The following PXDNL variants were observed in gnomAD, a reference collection of about 807,000 sequenced individuals.
The protein encoded by PXDNL is probable oxidoreductase PXDNL.
In PXDNL, 145 loss-of-function variants were observed where a neutral mutation model predicts 150.8. The ratio of observed to expected loss-of-function variants is 0.96; its 90% CI spans 0.84 to 1.10. PXDNL has a LOEUF of 1.10. Ranked by LOEUF, PXDNL falls within the 50% of genes least tolerant of loss-of-function variation. The pLI is 0.00. For missense variants in PXDNL, 2,087 were observed against 1,873.9 expected (o/e 1.11, Z -2.10); for synonymous variants, 757 against 725.7 (o/e 1.04, Z -0.69).
chr8:51,475,176 G>A (rs1302644365), intron 6 of PXDNL, 35 bp from the exon 7 acceptor site: 7 of 1,568,938 alleles, frequency 4.5e-6, no homozygotes, highest in Non-Finnish European at 6.1e-6. Flanking sequence ...ACTGTTAAAA[G>A]GGACTATTAA....
intron 1 of PXDNL, among the ~76,000 whole-genome samples, chr8:51,727,999 CATATGTATTCT>C (rs1236039710): frequency 2.0e-5 from 3 of 152,214 alleles, no homozygotes; most frequent in Admixed American, 1.3e-4. Flanking sequence ...TTAAATTTCA[CATATGTATTCT>C]ATTGCTTAAC....
At chr8:51,771,767 C>G (rs960638760) in intron 1 of PXDNL, among the ~76,000 whole-genome samples, 2 of 152,080 alleles carry the variant, frequency 1.3e-5, no homozygotes, top group Admixed American at 6.6e-5. Flanking sequence ...AGACAGGGCT[C>G]TTCTACCTGG....
intron 21 of PXDNL, among the ~76,000 whole-genome samples, chr8:51,323,908 C>A (rs1187338488): frequency 7.2e-6 from 1 of 137,990 alleles, no homozygotes; most frequent in African/African-American, 3.0e-5. Context: ...AAGAGCAAAA[C>A]TTCATCTCAA....
At chr8:51,618,112 C>T (rs1424086718) in intron 2 of PXDNL, among the ~76,000 whole-genome samples, 1 of 152,240 alleles carries the variant, frequency 6.6e-6, no homozygotes, top group Non-Finnish European at 1.5e-5. Context: ...GGCCCCCAGG[C>T]GCTACCTCGC....
chr8:51,601,579 C>T (rs1040481550), intron 2 of PXDNL, among the ~76,000 whole-genome samples: 1 of 151,994 alleles, frequency 6.6e-6, no homozygotes, highest in East Asian at 1.9e-4. Context: ...AGATTTTTCA[C>T]TAACCCTCTG....
intron 1 of PXDNL, among the ~76,000 whole-genome samples, chr8:51,683,164 CATATATATATATATATAT>C (rs71237228): frequency 1.3e-3 from 57 of 44,462 alleles, no homozygotes; most frequent in African/African-American, 2.7e-3. Flanking sequence ...AATTGTCTTT[CATATATATATATATATAT>C]ATATATATAT....
At position 51,447,157 on chromosome 8, in the gene PXDNL, G is replaced by T. The variant is rs1382782569; in HGVS notation, c.1372C>A (p.Gln458Lys). Reference protein sequence around the residue: ...PVIVWTKTGGQLPVEGQHTVL... With the variant: ...PVIVWTKTGGKLPVEGQHTVL... Reference sequence around the variant, plus strand: ...GTATGCTGGCCTTCCACAGGGAGCTGCCCTCCTGCAAAAAGAGGTAAAGAA... The same window carrying T: ...GTATGCTGGCCTTCCACAGGGAGCTTCCCTCCTGCAAAAAGAGGTAAAGAA... The change falls in exon 12 of 23, where the codon CAG (glutamine) becomes AAG (lysine). Residue 458 changes from glutamine (Q) to lysine (K), a missense_variant. Gln to Lys is a moderately conservative substitution (Grantham distance 53). Transcript: ENST00000356297. The T allele has an allele frequency of 1.2e-6, 2 of 1,613,008 alleles. No individual in the cohort carries two copies. The highest frequency in any genetic ancestry group is 2.2e-5 in the East Asian group (1 of 44,840).
intron 5 of PXDNL, among the ~76,000 whole-genome samples, chr8:51,490,828 C>T (rs1000497451): frequency 1.3e-5 from 2 of 151,328 alleles, no homozygotes; most frequent in African/African-American, 4.9e-5. Flanking sequence ...ATATCTCCTA[C>T]AGTTGAAAAT....
chr8:51,401,798 T>C (rs1808255009), intron 17 of PXDNL, among the ~76,000 whole-genome samples: 1 of 152,234 alleles, frequency 6.6e-6, no homozygotes, highest in Non-Finnish European at 1.5e-5. Flanking sequence ...TAGATTCTAC[T>C]AGATTTGGGA....
intron 19 of PXDNL, among the ~76,000 whole-genome samples, chr8:51,361,937 C>CA (rs57092440): frequency 0.012 from 684 of 58,004 alleles, 88 homozygotes; most frequent in African/African-American, 0.042. Context: ...GATTCCATCT[C>CA]AAAAAAAAAA....
At chr8:51,596,833 T>C (rs1813579917) in intron 2 of PXDNL, among the ~76,000 whole-genome samples, 1 of 152,158 alleles carries the variant, frequency 6.6e-6, no homozygotes, top group Admixed American at 6.6e-5. Context: ...AGTTTGTAGA[T>C]ATTTTCTCCC....
intron 2 of PXDNL, among the ~76,000 whole-genome samples, chr8:51,607,775 G>A (rs893465436): frequency 2.1e-5 from 3 of 146,132 alleles, no homozygotes; most frequent in East Asian, 2.0e-4. Context: ...AGGAAGCAGA[G>A]GCTGCAGTGA....
intron 1 of PXDNL, among the ~76,000 whole-genome samples, chr8:51,691,288 T>C (rs892676545): frequency 1.3e-5 from 2 of 152,178 alleles, no homozygotes; most frequent in African/African-American, 4.8e-5. Flanking sequence ...TGTTCTAGGG[T>C]TTTTATGGTT....
At chr8:51,329,889 C>T (rs971945957) in intron 21 of PXDNL, among the ~76,000 whole-genome samples, 1 of 152,158 alleles carries the variant, frequency 6.6e-6, no homozygotes, top group African/African-American at 2.4e-5. Flanking sequence ...CCACAATCTT[C>T]TGTCTGCAAG....
intron 3 of PXDNL, among the ~76,000 whole-genome samples, chr8:51,587,355 T>C (rs1813347019): frequency 6.6e-6 from 1 of 152,190 alleles, no homozygotes; most frequent in African/African-American, 2.4e-5. Flanking sequence ...ATTAAATGAA[T>C]CACTATATCC....
At chr8:51,493,933 C>A (rs1705398371) in intron 5 of PXDNL, among the ~76,000 whole-genome samples, 2 of 152,100 alleles carry the variant, frequency 1.3e-5, no homozygotes, top group African/African-American at 4.8e-5. Context: ...CAGAGAACGC[C>A]ACAAAGATAC....
intron 3 of PXDNL, among the ~76,000 whole-genome samples, chr8:51,566,361 T>C (rs964887406): frequency 6.6e-6 from 1 of 151,840 alleles, no homozygotes. Flanking sequence ...TTATAGATAA[T>C]TAACGTCATT....
intron 4 of PXDNL, among the ~76,000 whole-genome samples, chr8:51,534,299 T>C (rs1811999472): frequency 6.9e-6 from 1 of 143,946 alleles, no homozygotes; most frequent in Non-Finnish European, 1.5e-5. Flanking sequence ...AGCCACCCCG[T>C]CTGGGAAGTG....
Position 51,701,637 on chromosome 8 carries a change from T to C in PXDNL, c.165-46877A>G, listed in dbSNP as rs78178388. ...ACACTGCATTCCACATTGCTGTAAT[T>C]AAATCGATTACCAAAACAATTGATT... On this transcript the variant is annotated intron_variant, in intron 1 of 22. Transcript: ENST00000356297. 5.0e-3 allele frequency among the ~76,000 whole-genome samples: 760 copies of C among 152,306 alleles called. 3 individuals carry two copies. Among genetic ancestry groups the C allele is most frequent in the African/African-American group, 0.017 (713 of 41,564 alleles).
Sources: allele counts gnomAD v4.1 joint callset (sites outside exome capture counted in the v4.1 genomes callset), GRCh38; gene constraint gnomAD v4.1.1; transcripts MANE v1.5; gene names NCBI Gene and HGNC (gene_info 2026-07-23, HGNC 2026-07-21).